CARS1: variants seen among roughly 807,000 people sequenced by gnomAD.
CARS1 encodes the protein cysteinyl-tRNA synthetase 1.
A neutral mutation model predicts 106.2 loss-of-function variants in CARS1; 48 were observed. That is an observed-to-expected ratio of 0.45 (90% CI 0.36 to 0.57). The LOEUF is 0.57. CARS1 is among the 20% of genes least tolerant of loss of function. The probability of loss-of-function intolerance (pLI) is 0.00; values close to 1 mark genes in which losing one functional copy is unlikely to be tolerated. For synonymous variants in CARS1, 409 were observed against 403.4 expected (o/e 1.01, Z -0.17); for missense variants, 968 against 1,057.2 (o/e 0.92, Z 1.17).
At chr11:3,006,338 C>T (rs1044140409) in intron 19 of CARS1, among the ~76,000 whole-genome samples, 5 of 151,964 alleles carry the variant, frequency 3.3e-5, no homozygotes, top group Non-Finnish European at 7.4e-5. Context: ...CCCAGCTACT[C>T]GGGAGGCTGA....
Position 3,029,920 on chromosome 11 carries a change from A to T in CARS1, c.802-477T>A, listed in dbSNP as rs1278207131. 1 of 156,632 alleles carries T rather than the reference A, an allele frequency of 6.4e-6. No homozygotes were observed. Among genetic ancestry groups the T allele is most frequent in the Non-Finnish European group, 1.4e-5 (1 of 71,228 alleles). 9.7% of individuals were successfully genotyped at this position (156,632 alleles called of 1,614,324 possible). ...AGGTCTCAAAAGCCCCATCTCCCTG[A>T]CGCCATTGACTGAAGATGCCATCCC... On this transcript the variant is annotated intron_variant, in intron 7 of 22. Transcript: ENST00000380525. The surrounding 1 kb of genome is among the most constrained non-coding windows in gnomAD (Gnocchi z 5.9).
intron 1 of CARS1, among the ~76,000 whole-genome samples, chr11:3,049,753 C>T (rs1855468829): frequency 6.6e-6 from 1 of 152,246 alleles, no homozygotes; most frequent in Admixed American, 6.5e-5. Context: ...CTGCACATCA[C>T]AGTCCCCCTC....
rs1310295023 is a variant in CARS1, at chr11:3,034,887, A to C, written c.801+3163T>G. On this transcript the variant is annotated intron_variant, in intron 7 of 22. Coordinates refer to ENST00000380525, the MANE Select transcript of CARS1 (RefSeq NM_001014437.3). This position sits in a 1 kb window ranked among gnomAD's most constrained non-coding sequence, Gnocchi z 6.3. Reference sequence around the variant, plus strand: ...TATTTCTTACAATTCTGTAGGCTGGAAAGTTCAAGGTCAAGGGGCCACATC... The same window carrying C: ...TATTTCTTACAATTCTGTAGGCTGGCAAGTTCAAGGTCAAGGGGCCACATC... Among the ~76,000 whole-genome samples the C allele has an allele frequency of 6.6e-6, 1 of 152,136 alleles. No homozygotes were observed. Among genetic ancestry groups the C allele is most frequent in the Non-Finnish European group, 1.5e-5 (1 of 68,036 alleles).
In CARS1 at chr11:3,008,867, C is replaced by T. The variant is rs1850161946; in HGVS notation, c.2069-1908G>A. ...TTTGAAAGCCACCCCTGGATAGCAC[C>T]CTCATTAGAAGGAAGGCAAGCCAGC... On this transcript the variant is annotated intron_variant, in intron 18 of 22. Transcript: ENST00000380525. This position sits in a 1 kb window ranked among gnomAD's most constrained non-coding sequence, Gnocchi z 5.1. 1 of 152,202 alleles carries T rather than the reference C, an allele frequency of 6.6e-6. No homozygotes were observed. Among genetic ancestry groups the T allele is most frequent in the South Asian group, 2.1e-4 (1 of 4,830 alleles). The allele number at this position is 152,202 out of a possible 1,614,324, so 9.4% of individuals were successfully genotyped here.
rs148564410 is a variant in CARS1 at position 3,043,818 on chromosome 11, G to T, written c.275-1562C>A. ...AAGGAGGGCGGCTGCACTGTGTCTG[G>T]GCAGTGGGGGTACTGTGGGCAGGTG... On this transcript the variant is annotated intron_variant, in intron 2 of 22. Transcript: ENST00000380525. The surrounding 1 kb of genome is among the most constrained non-coding windows in gnomAD (Gnocchi z 4.0). 2.7e-3 allele frequency among the ~76,000 whole-genome samples: 418 copies of T among 152,238 alleles called. 1 individual carries two copies. Among genetic ancestry groups the T allele is most frequent in the African/African-American group, 9.6e-3 (397 of 41,540 alleles).
Position 3,029,781 on chromosome 11 carries a change from T to G in CARS1, c.802-338A>C, listed in dbSNP as rs767590453. The G allele has an allele frequency of 5.1e-5, 16 of 314,016 alleles. No homozygotes were observed. Among genetic ancestry groups the G allele is most frequent in the Non-Finnish European group, 7.1e-5 (12 of 169,286 alleles). 19.5% of individuals were successfully genotyped at this position (314,016 alleles called of 1,614,324 possible). The stretch of plus-strand genomic sequence containing the variant: ...GCAGGGCAGGGTTATGGGCAGAGGC[T>G]GGGCAGGAGCACACAGTGTGTCACC... On this transcript the variant is annotated intron_variant, in intron 7 of 22. Coordinates refer to ENST00000380525, the MANE Select transcript of CARS1 (RefSeq NM_001014437.3). This position sits in a 1 kb window ranked among gnomAD's most constrained non-coding sequence, Gnocchi z 5.9.
rs1852098740 is a variant in CARS1, at chr11:3,026,577, G to A, written c.1153+99C>T. On this transcript the variant is annotated intron_variant, in intron 10 of 22. Coordinates refer to ENST00000380525, the MANE Select transcript of CARS1 (RefSeq NM_001014437.3). ...AAAAGCACTGTTCCCAAGAGTCTGA[G>A]GGGTGGGCTCAGCGCAGCCCCCGTG... The A allele has an allele frequency of 4.7e-6, 6 of 1,279,334 alleles. No individual in the cohort carries two copies. The South Asian group carries it at 7.2e-5, about 15-fold the overall frequency. The allele number at this position is 1,279,334 out of a possible 1,614,324, so 79.2% of individuals were successfully genotyped here.
intron 17 of CARS1, among the ~76,000 whole-genome samples, chr11:3,014,168 G>T (rs1268947640): frequency 3.3e-5 from 5 of 152,152 alleles, no homozygotes; most frequent in Non-Finnish European, 2.9e-5. Flanking sequence ...CTCAGTTCCA[G>T]CCCTAGGGGC....
chr11:3,019,095 C>T lies in CARS1; in HGVS notation c.1395+44G>A. On this transcript the variant is annotated intron_variant, in intron 12 of 22. Transcript: ENST00000380525. The surrounding 1 kb of genome is among the most constrained non-coding windows in gnomAD (Gnocchi z 6.2). Reference sequence around the variant, plus strand: ...GACTTTTCCTCCACTGCAGTATGAACACTGTGCTCTTGCACCTGACAAGGG... The same window carrying T: ...GACTTTTCCTCCACTGCAGTATGAATACTGTGCTCTTGCACCTGACAAGGG... 2.7e-6 allele frequency: 4 copies of T among 1,498,512 alleles called. No individual in the cohort carries two copies. Among genetic ancestry groups the T allele is most frequent in the Non-Finnish European group, 3.6e-6 (4 of 1,125,988 alleles). 92.8% of individuals were successfully genotyped at this position (1,498,512 alleles called of 1,614,324 possible).
chr11:3,027,868 G>A (rs1852267068), intron 9 of CARS1: 15 of 454,052 alleles, frequency 3.3e-5, no homozygotes, highest in South Asian at 2.2e-4. Context: ...AGCAGACCGG[G>A]AAAGGGAGTC....
At position 3,029,289 on chromosome 11, in the gene CARS1, A is replaced by G; in HGVS notation, c.942+14T>C. 1.2e-6 allele frequency: 2 copies of G among 1,613,738 alleles called. No individual in the cohort carries two copies. The highest frequency in any genetic ancestry group is 8.5e-7 in the Non-Finnish European group (1 of 1,179,664). The stretch of plus-strand genomic sequence containing the variant: ...AGCGCAAGAGAGCCAGCACAAGACA[A>G]TCGTGACACTTACATTCAGAGCTTC... On this transcript the variant is annotated intron_variant, in intron 8 of 22. Coordinates refer to ENST00000380525, the MANE Select transcript of CARS1 (RefSeq NM_001014437.3). The surrounding 1 kb of genome is among the most constrained non-coding windows in gnomAD (Gnocchi z 5.9).
chr11:3,025,733 A>C (rs1052429149), intron 10 of CARS1, among the ~76,000 whole-genome samples: 1 of 152,232 alleles, frequency 6.6e-6, no homozygotes, highest in Non-Finnish European at 1.5e-5. Flanking sequence ...CTTAAGGGAT[A>C]AACATGAAGA....
intron 16 of CARS1, 121 bp downstream of exon 16, chr11:3,016,984 AG>A (rs1851073760): frequency 4.1e-6 from 3 of 737,122 alleles, no homozygotes; most frequent in South Asian, 3.9e-5. Context: ...TCCACGTCTC[AG>A]AGGTGCTGGG....
At position 3,043,575 on chromosome 11, in the gene CARS1, C is replaced by A. The variant is rs1247473873; in HGVS notation, c.275-1319G>T. ...TCCTAGCACTGACCTGTGCCCACCC[C>A]AGCAGGCCGCCTGGCAGCTCACCAG... On this transcript the variant is annotated intron_variant, in intron 2 of 22. Transcript: ENST00000380525. This position sits in a 1 kb window ranked among gnomAD's most constrained non-coding sequence, Gnocchi z 4.0. 6.6e-6 allele frequency among the ~76,000 whole-genome samples: 1 copy of A among 151,582 alleles called. No homozygotes were observed. The highest frequency in any genetic ancestry group is 1.5e-5 in the Non-Finnish European group (1 of 67,904).
At position 3,040,183 on chromosome 11, in the gene CARS1, T is replaced by C. The variant is rs1854256705; in HGVS notation, c.456-252A>G. 6 of 425,334 alleles carry C rather than the reference T, an allele frequency of 1.4e-5. No homozygotes were observed. In the East Asian group the frequency reaches 2.5e-4, roughly 18 times the overall value. 26.3% of individuals were successfully genotyped at this position (425,334 alleles called of 1,614,324 possible). A position where few individuals can be genotyped will look rare whatever the true frequency, so the allele number is the denominator to read the frequency against. On this transcript the variant is annotated intron_variant, in intron 4 of 22. Transcript: ENST00000380525. The surrounding 1 kb of genome is among the most constrained non-coding windows in gnomAD (Gnocchi z 5.8). ...CTCTCCCTTATGATTTTCTTCATAATATTTTCTTTTCTCTGGCTTCCTTTA... is the reference window on the plus strand; with the variant it reads ...CTCTCCCTTATGATTTTCTTCATAACATTTTCTTTTCTCTGGCTTCCTTTA...
At position 3,005,580 on chromosome 11, in the gene CARS1, C is replaced by A. The variant is rs1261516687; in HGVS notation, c.2150-147G>T. The A allele has an allele frequency of 1.3e-5, 8 of 608,622 alleles. No homozygotes were observed. The East Asian group carries it at 2.0e-4, about 15-fold the overall frequency. The allele number at this position is 608,622 out of a possible 1,614,324, so 37.7% of individuals were successfully genotyped here. Reference sequence around the variant, plus strand: ...CCACAGGAGAAAAACAAACAAAAACCTCCATAGCAGCAGTGAAGCACAGGA... The same window carrying A: ...CCACAGGAGAAAAACAAACAAAAACATCCATAGCAGCAGTGAAGCACAGGA... On this transcript the variant is annotated intron_variant, in intron 19 of 22. Transcript: ENST00000380525.
rs143700450 is a variant in CARS1 at position 3,042,201 on chromosome 11, G to T, written c.330C>A (p.Cys110Ter). The T allele has an allele frequency of 6.2e-7, 1 of 1,613,840 alleles. No homozygotes were observed. The highest frequency in any genetic ancestry group is 2.2e-5 in the East Asian group (1 of 44,880). Residue 110 changes from cysteine (C) to a stop codon, truncating the protein, a stop_gained, in exon 3 of 23, where the codon TGC becomes TGA. Coordinates refer to ENST00000380525, the MANE Select transcript of CARS1 (RefSeq NM_001014437.3). LOFTEE classifies it high-confidence loss of function. ...TGAGGCTGTTGTAAAGGTGGAGTCT[G>T]CATGGCTGGGTCCCAGCAGGAGGGG... ...QWSPPAGTQP[C>*]RLHLYNSLTR...
At chr11:3,006,205 G>C (rs1490371759) in intron 19 of CARS1, among the ~76,000 whole-genome samples, 1 of 152,210 alleles carries the variant, frequency 6.6e-6, no homozygotes, top group East Asian at 1.9e-4. Flanking sequence ...TGCCACTTTA[G>C]GAGGCCGAGG....
chr11:3,018,246 G>A, intron 14 of CARS1, 162 bp downstream of exon 14: 1 of 622,038 alleles, frequency 1.6e-6, no homozygotes, highest in Admixed American at 2.9e-5. Flanking sequence ...TTCAGGAGTG[G>A]CCCCGAGCCT....
Sources: gnomAD v4.1 joint callset for allele counts (sites outside exome capture counted in the v4.1 genomes callset) on GRCh38, gnomAD v4.1.1 for gene constraint, Gnocchi (gnomAD v3.1) non-coding constraint, MANE v1.5 for transcripts, NCBI Gene and HGNC (gene_info 2026-07-23, HGNC 2026-07-21) for gene names.